Variants in ANAPC5 observed in about 807,000 individuals in gnomAD.
ANAPC5 encodes anaphase-promoting complex subunit 5.
ANAPC5 carries 60 observed loss-of-function variants against 91.3 expected under a neutral mutation model. The ratio of observed to expected loss-of-function variants is 0.66; its 90% confidence interval spans 0.53 to 0.81. The LOEUF is 0.81. Ranked by LOEUF, ANAPC5 falls within the 40% of genes least tolerant of loss-of-function variation. The pLI is 0.00. For missense variants in ANAPC5, 690 were observed against 931.5 expected, an observed-to-expected ratio of 0.74 and a Z score of 3.37; for synonymous variants, 340 against 364.1, an observed-to-expected ratio of 0.93 and a Z score of 0.75.
chr12:121,345,326 G>A (rs1472336586), intron 4 of ANAPC5, among the ~76,000 whole-genome samples: 2 of 152,118 alleles, frequency 1.3e-5, no homozygotes, highest in Admixed American at 6.5e-5. Flanking sequence ...TACCAGTCAG[G>A]GACCCAGCAG....
At chr12:121,341,859 C>T (rs1255000391) in intron 5 of ANAPC5, 144 bp downstream of exon 5, 2 of 510,548 alleles carry the variant, frequency 3.9e-6, no homozygotes, top group African/African-American at 2.0e-5. Flanking sequence ...GTTAGTGAGG[C>T]AGAGGGGACC....
intron 11 of ANAPC5, among the ~76,000 whole-genome samples, chr12:121,323,611 T>C (rs1218934850): frequency 6.6e-6 from 1 of 152,146 alleles, no homozygotes; most frequent in African/African-American, 2.4e-5. Context: ...GGATTACAAG[T>C]ATAAAGATAA....
intron 7 of ANAPC5, among the ~76,000 whole-genome samples, chr12:121,335,331 A>T (rs1365613131): frequency 5.3e-5 from 8 of 151,902 alleles, no homozygotes; most frequent in African/African-American, 1.9e-4. Context: ...ACACCTGGCT[A>T]ATTTTTGTAT....
intron 4 of ANAPC5, 75 bp downstream of exon 4, chr12:121,345,764 A>G (rs1903643070): frequency 7.0e-7 from 1 of 1,436,926 alleles, no homozygotes. Flanking sequence ...TGAATTCTAA[A>G]TGAACAAGGA....
chr12:121,311,898 C>T (rs957260189), intron 15 of ANAPC5, among the ~76,000 whole-genome samples: 2 of 152,158 alleles, frequency 1.3e-5, no homozygotes, highest in African/African-American at 2.4e-5. Context: ...ACCTTTCAAT[C>T]GCAGATAGAA....
intron 2 of ANAPC5, 121 bp downstream of exon 2, chr12:121,347,681 T>C: frequency 1.4e-6 from 1 of 739,012 alleles, no homozygotes; most frequent in Admixed American, 2.7e-5. Context: ...GTAAAGGCTC[T>C]TGGGAAAACA....
At chr12:121,309,654 T>C (rs116640700) in intron 16 of ANAPC5, 47 bp downstream of exon 16, 1 of 1,551,352 alleles carries the variant, frequency 6.4e-7, no homozygotes, top group South Asian at 1.2e-5. Context: ...AAACTTTCAA[T>C]GCTTTCTGGA....
At chr12:121,352,470 C>T, upstream of ANAPC5, 2 of 755,306 alleles carry the variant, frequency 2.6e-6, no homozygotes, top group South Asian at 3.6e-5. Flanking sequence ...CGCGTGCTCG[C>T]GGCATTTGTT....
Position 121,352,342 on chromosome 12 carries a change from GCGGCCCGAGACTAAGTCT to G in ANAPC5, c.-20_-3del. On this transcript the variant is annotated 5_prime_UTR_variant, in exon 1 of 17. Transcript: ENST00000261819. ...GAGGCTCTCGTGGACGCTGGCCATG[GCGGCCCGAGACTAAGTCT>G]CGGGCCCGCGGCGCGCTGCCGCCAG... The G allele has an allele frequency of 6.3e-7, 1 of 1,598,016 alleles. No homozygotes were observed. The highest frequency in any genetic ancestry group is 8.6e-7 in the Non-Finnish European group (1 of 1,168,292).
In ANAPC5 at chr12:121,318,301, T is replaced by G. The variant is rs138134307; in HGVS notation, c.1869A>C (p.Thr623=). The G allele has an allele frequency of 4.0e-5, 62 of 1,563,260 alleles. 1 individual carries two copies. In the African/African-American group the frequency reaches 7.8e-4, roughly 20 times the overall value. Residue 623 remains threonine (T), a synonymous_variant, in exon 15 of 17, where the codon ACA becomes ACC. Transcript: ENST00000261819. The stretch of plus-strand genomic sequence containing the variant: ...CCTGCGCAAAAGCCAAGTTCAGCAC[T>G]GTTTCAGAGGCCAAGTACTGTAACC... The part of the protein sequence containing the change: ...EYRLQYLASE[T]VLNLAFAQLI...
At chr12:121,344,598 G>C (rs1447813034) in intron 4 of ANAPC5, among the ~76,000 whole-genome samples, 2 of 149,468 alleles carry the variant, frequency 1.3e-5, no homozygotes, top group Admixed American at 1.3e-4. Flanking sequence ...AAAAAAAAAA[G>C]AAAGAAAAAG....
chr12:121,312,197 A>C (rs1439193864), intron 15 of ANAPC5, among the ~76,000 whole-genome samples: 3 of 152,202 alleles, frequency 2.0e-5, no homozygotes, highest in Admixed American at 6.5e-5. Context: ...AAATTAACAT[A>C]CTCTTAAGTA....
At chr12:121,343,891 C>A (rs1483876580) in intron 4 of ANAPC5, among the ~76,000 whole-genome samples, 2 of 152,158 alleles carry the variant, frequency 1.3e-5, no homozygotes, top group Non-Finnish European at 2.9e-5. Context: ...GCCTTCCTCA[C>A]CAGATCACAG....
At chr12:121,334,878 C>A (rs1474256725) in intron 7 of ANAPC5, 1 of 152,124 alleles carries the variant, frequency 6.6e-6, no homozygotes, top group Non-Finnish European at 1.5e-5. Flanking sequence ...TTTCACTGAA[C>A]GGCCTGTTGT....
rs1555273592 is a variant in ANAPC5 at position 121,337,285 on chromosome 12, A to G, written c.759+6T>C. 3 of 1,610,080 alleles carry G rather than the reference A, an allele frequency of 1.9e-6. No homozygotes were observed. Among genetic ancestry groups the G allele is most frequent in the South Asian group, 2.2e-5 (2 of 90,966 alleles). ...AACACAGCAACAAATTCTGGGAAAG[A>G]CTTACCGCTTCAGCAAAATCAGGAT... On this transcript the variant is annotated splice_donor_region_variant and intron_variant, in intron 6 of 16. Transcript: ENST00000261819.
chr12:121,345,998 C>T lies in ANAPC5; in HGVS notation c.431G>A (p.Ser144Asn). The T allele has an allele frequency of 6.2e-7, 1 of 1,610,704 alleles. No individual in the cohort carries two copies. Among genetic ancestry groups the T allele is most frequent in the African/African-American group, 1.3e-5 (1 of 74,866 alleles). The change falls in exon 4 of 17, where the codon AGT becomes AAT. Residue 144 changes from serine (S) to asparagine (N), a missense_variant. Ser to Asn is a conservative substitution (Grantham distance 46). Coordinates refer to ENST00000261819, the MANE Select transcript of ANAPC5 (RefSeq NM_016237.5). ...AAACACTTGGCTGAAAGAAAGCTTACTGTAGGCCAAGATCATGTGACGCAG... is the reference window on the plus strand; with the variant it reads ...AAACACTTGGCTGAAAGAAAGCTTATTGTAGGCCAAGATCATGTGACGCAG... ...LFLRHMILAY[S>N]KLSFSQVFKL...
At chr12:121,349,574 T>C (rs1903804850) in intron 1 of ANAPC5, among the ~76,000 whole-genome samples, 1 of 148,310 alleles carries the variant, frequency 6.7e-6, no homozygotes, top group Admixed American at 6.7e-5. Flanking sequence ...TCTAAAAAAA[T>C]TAAAAAAAAA....
At chr12:121,339,748 C>G (rs1484664272) in intron 5 of ANAPC5, among the ~76,000 whole-genome samples, 1 of 152,122 alleles carries the variant, frequency 6.6e-6, no homozygotes, top group Non-Finnish European at 1.5e-5. Context: ...GGATTACAGG[C>G]ATGAGCTGCC....
chr12:121,352,356 AGTCTCGGGCC>A lies in ANAPC5; in HGVS notation c.-26_-17del, dbSNP rs782048643. On this transcript the variant is annotated 5_prime_UTR_variant, in exon 1 of 17. Coordinates refer to ENST00000261819, the MANE Select transcript of ANAPC5 (RefSeq NM_016237.5). Reference sequence around the variant, plus strand: ...CGCTGGCCATGGCGGCCCGAGACTAAGTCTCGGGCCCGCGGCGCGCTGCCGCCAGTTGTCA... The same window carrying A: ...CGCTGGCCATGGCGGCCCGAGACTAACGCGGCGCGCTGCCGCCAGTTGTCA... 2 of 1,581,218 alleles carry A rather than the reference AGTCTCGGGCC, an allele frequency of 1.3e-6. No homozygotes were observed. Among genetic ancestry groups the A allele is most frequent in the African/African-American group, 2.7e-5 (2 of 73,294 alleles).
Sources: gnomAD v4.1 joint callset for allele counts (sites outside exome capture counted in the v4.1 genomes callset) on GRCh38, gnomAD v4.1.1 for gene constraint, MANE v1.5 for transcripts, NCBI Gene and HGNC (gene_info 2026-07-23, HGNC 2026-07-21) for gene names.